LDLRAD3: variants seen among roughly 807,000 people sequenced by gnomAD.
LDLRAD3 encodes the protein low-density lipoprotein receptor class A domain-containing protein 3.
In LDLRAD3, 20 loss-of-function variants were observed where a neutral mutation model predicts 29.4. The observed-to-expected ratio is 0.68, with a 90% CI of 0.48 to 0.99. The LOEUF (loss-of-function observed/expected upper bound fraction) is 0.99. Ranked by LOEUF, LDLRAD3 falls within the 50% of genes least tolerant of loss-of-function variation. The pLI is 0.00. For missense variants in LDLRAD3, 420 were observed against 454.3 expected (o/e 0.92, Z 0.69); for synonymous variants, 157 against 192.7 (o/e 0.81, Z 1.53).
At chr11:36,171,116 G>T (rs1854593508) in intron 4 of LDLRAD3, among the ~76,000 whole-genome samples, 1 of 151,966 alleles carries the variant, frequency 6.6e-6, no homozygotes, top group African/African-American at 2.4e-5. Context: ...GTCTATTTGT[G>T]TCCTTAGCCC....
chr11:36,159,602 TA>T (rs66512652), intron 4 of LDLRAD3, among the ~76,000 whole-genome samples: 3,430 of 58,444 alleles, frequency 0.059, 172 homozygotes, highest in African/African-American at 0.17. Flanking sequence ...TTACAGAAAC[TA>T]AAAAAAAAAA....
chr11:36,151,683 A>G (rs1854279964), intron 4 of LDLRAD3, among the ~76,000 whole-genome samples: 2 of 152,164 alleles, frequency 1.3e-5, no homozygotes, highest in African/African-American at 4.8e-5. Flanking sequence ...TGATAAATGT[A>G]TATTGGTCAA....
chr11:36,124,259 A>G (rs763405987), intron 4 of LDLRAD3, among the ~76,000 whole-genome samples: 1 of 152,156 alleles, frequency 6.6e-6, no homozygotes, highest in Non-Finnish European at 1.5e-5. Context: ...CCCTACTAAA[A>G]TAGGAAGGCT....
At chr11:36,186,670 A>C (rs553796577) in intron 4 of LDLRAD3, among the ~76,000 whole-genome samples, 1 of 152,212 alleles carries the variant, frequency 6.6e-6, no homozygotes, top group Non-Finnish European at 1.5e-5. Flanking sequence ...GCAGGTCCAG[A>C]TTCAGAATTA....
At chr11:35,946,361 T>G (rs1196444693) in intron 1 of LDLRAD3, among the ~76,000 whole-genome samples, 1 of 151,618 alleles carries the variant, frequency 6.6e-6, no homozygotes, top group Non-Finnish European at 1.5e-5. Context: ...GAACCGTAGT[T>G]AGAGTCCTGA....
intron 1 of LDLRAD3, among the ~76,000 whole-genome samples, chr11:35,965,604 G>T (rs1307598738): frequency 6.6e-6 from 1 of 152,176 alleles, no homozygotes; most frequent in African/African-American, 2.4e-5. Context: ...CCTTTGTGAA[G>T]ATAGGAATGG....
intron 4 of LDLRAD3, among the ~76,000 whole-genome samples, chr11:36,226,222 A>G (rs1855496954): frequency 6.6e-6 from 1 of 152,188 alleles, no homozygotes; most frequent in African/African-American, 2.4e-5. Context: ...GGGCACTATT[A>G]CATCTCCATT....
At chr11:36,052,415 G>A (rs911120110) in intron 2 of LDLRAD3, among the ~76,000 whole-genome samples, 3 of 152,218 alleles carry the variant, frequency 2.0e-5, no homozygotes, top group African/African-American at 7.2e-5. Context: ...CTCAGCAAGA[G>A]ACACCTGTCT....
At chr11:36,215,760 T>G (rs1488837371) in intron 4 of LDLRAD3, among the ~76,000 whole-genome samples, 1 of 152,192 alleles carries the variant, frequency 6.6e-6, no homozygotes, top group African/African-American at 2.4e-5. Flanking sequence ...CTGCTTACAG[T>G]GATTCTGTAT....
intron 4 of LDLRAD3, among the ~76,000 whole-genome samples, chr11:36,169,952 C>A (rs1216902660): frequency 1.3e-5 from 2 of 151,934 alleles, no homozygotes; most frequent in Non-Finnish European, 2.9e-5. Context: ...TTCTGAAATT[C>A]TGGTACACCT....
At chr11:36,075,500 A>G (rs1289938450) in intron 2 of LDLRAD3, among the ~76,000 whole-genome samples, 3 of 152,106 alleles carry the variant, frequency 2.0e-5, no homozygotes, top group Admixed American at 2.0e-4. Context: ...AAGTTTCTCC[A>G]CTGTCAAGTT....
intron 4 of LDLRAD3, among the ~76,000 whole-genome samples, chr11:36,182,504 A>G (rs1430287173): frequency 6.6e-6 from 1 of 152,214 alleles, no homozygotes; most frequent in Non-Finnish European, 1.5e-5. Context: ...CATCATTTCA[A>G]CAAACTATTT....
At chr11:36,012,132 G>A (rs1851963169) in intron 1 of LDLRAD3, among the ~76,000 whole-genome samples, 1 of 152,108 alleles carries the variant, frequency 6.6e-6, no homozygotes, top group African/African-American at 2.4e-5. Flanking sequence ...TCTTCGGGGG[G>A]TACATTTCAA....
intron 4 of LDLRAD3, among the ~76,000 whole-genome samples, chr11:36,167,869 T>G (rs1854537979): frequency 6.6e-6 from 1 of 152,200 alleles, no homozygotes; most frequent in Admixed American, 6.5e-5. Context: ...TGCTTGACTT[T>G]TCTGGTAATT....
chr11:36,199,938 G>A (rs1855098053), intron 4 of LDLRAD3, among the ~76,000 whole-genome samples: 1 of 152,100 alleles, frequency 6.6e-6, no homozygotes, highest in African/African-American at 2.4e-5. Flanking sequence ...AGGCTGAGGT[G>A]GGCAGATCTC....
At chr11:36,041,416 G>A (rs1195482204) in intron 2 of LDLRAD3, among the ~76,000 whole-genome samples, 1 of 152,160 alleles carries the variant, frequency 6.6e-6, no homozygotes, top group Non-Finnish European at 1.5e-5. Context: ...GGGGCTTTCA[G>A]TCTTTTTCTC....
intron 4 of LDLRAD3, among the ~76,000 whole-genome samples, chr11:36,111,298 T>C (rs1157171599): frequency 6.6e-6 from 1 of 152,162 alleles, no homozygotes; most frequent in Admixed American, 6.5e-5. Flanking sequence ...TGTGAATTTC[T>C]AGGGGTGAGA....
chr11:36,008,385 G>A (rs1276307171), intron 1 of LDLRAD3, among the ~76,000 whole-genome samples: 1 of 152,176 alleles, frequency 6.6e-6, no homozygotes, highest in Non-Finnish European at 1.5e-5. Flanking sequence ...ATGGAAGACG[G>A]TAGCATTCCT....
At chr11:36,069,251 C>T (rs370361644) in intron 2 of LDLRAD3, among the ~76,000 whole-genome samples, 12 of 152,292 alleles carry the variant, frequency 7.9e-5, no homozygotes, top group East Asian at 3.9e-4. Flanking sequence ...GGAGCTCCCC[C>T]GTTTAGCCCC....
Sources: allele counts gnomAD v4.1 joint callset (sites outside exome capture counted in the v4.1 genomes callset), GRCh38; gene constraint gnomAD v4.1.1; transcripts MANE v1.5; gene names NCBI Gene and HGNC (gene_info 2026-07-23, HGNC 2026-07-21).